FAM13A: variants seen among roughly 807,000 people sequenced by gnomAD.
FAM13A encodes the protein protein FAM13A.
In FAM13A, 76 loss-of-function variants were observed where a neutral mutation model predicts 129.6. The observed-to-expected ratio is 0.59, with a 90% CI of 0.49 to 0.71. The LOEUF is 0.71. Ranked by LOEUF, FAM13A falls within the 30% of genes least tolerant of loss-of-function variation. FAM13A has a pLI of 0.00. For synonymous variants in FAM13A, 443 were observed against 449.9 expected (o/e 0.98, Z 0.20); for missense variants, 1,108 against 1,249.3 (o/e 0.89, Z 1.70).
chr4:88,924,749 C>T (rs1359197257), intron 5 of FAM13A, among the ~76,000 whole-genome samples: 4 of 151,550 alleles, frequency 2.6e-5, no homozygotes, highest in Non-Finnish European at 4.4e-5. Flanking sequence ...AAAGAAACTA[C>T]CATCAGAGTG....
intron 6 of FAM13A, 133 bp from the exon 7 acceptor site, chr4:88,851,316 A>G (rs74875537): frequency 1.4e-6 from 1 of 711,900 alleles, no homozygotes; most frequent in Non-Finnish European, 2.2e-6. Context: ...AAAAATATCA[A>G]GCTAAAAATT....
At chr4:88,870,482 C>T (rs1019951376) in intron 6 of FAM13A, among the ~76,000 whole-genome samples, 1 of 152,226 alleles carries the variant, frequency 6.6e-6, no homozygotes, top group Non-Finnish European at 1.5e-5. Flanking sequence ...GGAGATTATA[C>T]CCCGCGCCTG....
At chr4:88,788,091 A>G (rs547954499) in intron 9 of FAM13A, among the ~76,000 whole-genome samples, 159 bp from the exon 10 acceptor site, 4 of 152,322 alleles carry the variant, frequency 2.6e-5, no homozygotes, top group African/African-American at 9.6e-5. Context: ...TCTAAAAAAT[A>G]TCTGCATTAT....
At chr4:88,739,513 G>A (rs981800577) in intron 19 of FAM13A, among the ~76,000 whole-genome samples, 2 of 151,648 alleles carry the variant, frequency 1.3e-5, no homozygotes, top group Non-Finnish European at 2.9e-5. Flanking sequence ...GGTGGATCAT[G>A]CTTGTAATCC....
chr4:88,901,650 G>A (rs2150210680), intron 6 of FAM13A, among the ~76,000 whole-genome samples: 1 of 152,152 alleles, frequency 6.6e-6, no homozygotes, highest in East Asian at 1.9e-4. Context: ...TGGTAAGAGG[G>A]AAATTTATAG....
chr4:88,866,533 G>A (rs1247850692), intron 6 of FAM13A, among the ~76,000 whole-genome samples: 1 of 152,006 alleles, frequency 6.6e-6, no homozygotes, highest in Non-Finnish European at 1.5e-5. Context: ...CATAAAATTT[G>A]CTATTTATTT....
chr4:88,897,665 G>A (rs1310036103), intron 6 of FAM13A, among the ~76,000 whole-genome samples: 3 of 152,126 alleles, frequency 2.0e-5, no homozygotes, highest in Non-Finnish European at 4.4e-5. Flanking sequence ...GCCAAATGGA[G>A]TACCATTAAT....
chr4:88,749,850 T>A lies in FAM13A; in HGVS notation c.2000A>T (p.Gln667Leu). 2 of 1,614,150 alleles carry A rather than the reference T, an allele frequency of 1.2e-6. No homozygotes were observed. The highest frequency in any genetic ancestry group is 8.5e-7 in the Non-Finnish European group (1 of 1,180,004). Residue 667 changes from glutamine to leucine, a missense_variant, in exon 16 of 24, where the codon CAG becomes CTG. Coordinates refer to ENST00000264344, the MANE Select transcript of FAM13A (RefSeq NM_014883.4). ...AAGGCTCTGAATCCTTCGTGTGAGC[T>A]GGGCAGGTGTCAGGTCCTCTTGCTC... is the stretch of plus-strand genomic sequence containing the variant. ...DDEQEDLTPA[Q>L]LTRRIQSLKK...
chr4:89,029,649 G>T lies in FAM13A; in HGVS notation c.28C>A (p.Gln10Lys). Residue 10 changes from glutamine to lysine, a missense_variant and splice_region_variant, in exon 2 of 24, where the codon CAA becomes AAA. Transcript: ENST00000264344. MGAGALAIC[Q>K]SKAAVRLKED... ...TTCAGCCGAACCGCTGCTTTACTTTGCTTAAAGGAGCGTAAGAAAAAAGAG... is the reference window on the plus strand; with the variant it reads ...TTCAGCCGAACCGCTGCTTTACTTTTCTTAAAGGAGCGTAAGAAAAAAGAG... 6.4e-7 allele frequency: 1 copy of T among 1,568,486 alleles called. No homozygotes were observed. Among genetic ancestry groups the T allele is most frequent in the Non-Finnish European group, 8.6e-7 (1 of 1,165,566 alleles).
At chr4:88,977,199 C>A (rs535438158) in intron 4 of FAM13A, among the ~76,000 whole-genome samples, 1 of 152,140 alleles carries the variant, frequency 6.6e-6, no homozygotes, top group Non-Finnish European at 1.5e-5. Context: ...ACTACTCTTG[C>A]ATTTGGGGTG....
rs186113859 is a variant in FAM13A at position 88,919,832 on chromosome 4, G to A, written c.760-13370C>T. On this transcript the variant is annotated intron_variant, in intron 5 of 23. Transcript: ENST00000264344. ...TGACAGATGGCACCTGGAAAATCGGGTCACTCCCACCCTAATACTGCGCTT... is the reference window on the plus strand; with the variant it reads ...TGACAGATGGCACCTGGAAAATCGGATCACTCCCACCCTAATACTGCGCTT... 5.2e-3 allele frequency among the ~76,000 whole-genome samples: 794 copies of A among 152,352 alleles called. 9 individuals are homozygous for A. The highest frequency in any genetic ancestry group is 0.018 in the African/African-American group (756 of 41,578).
At chr4:88,912,978 AAAGAAGAAAG>A (rs916131770) in intron 5 of FAM13A, among the ~76,000 whole-genome samples, 2 of 151,604 alleles carry the variant, frequency 1.3e-5, no homozygotes, top group African/African-American at 2.4e-5. Context: ...AAGACAGAAG[AAAGAAGAAAG>A]AAGAAGAAAG....
intron 7 of FAM13A, among the ~76,000 whole-genome samples, chr4:88,846,247 T>G (rs754012666): frequency 1.6e-4 from 24 of 152,228 alleles, no homozygotes; most frequent in Non-Finnish European, 3.2e-4. Context: ...ACTTTTCTGC[T>G]TACAAACAAT....
rs148561244 is a variant in FAM13A at position 88,761,443 on chromosome 4, A to G, written c.1579-2542T>C. Among the ~76,000 whole-genome samples, 81 of 152,364 alleles carry G rather than the reference A, an allele frequency of 5.3e-4. 1 individual carries two copies. In the South Asian group the frequency reaches 6.2e-3, roughly 12 times the overall value. Reference sequence around the variant, plus strand: ...ACAATGTTAAATGCATTATGAAAAAATATTAGTGAAAAGAGCCACTAGTGT... The same window carrying G: ...ACAATGTTAAATGCATTATGAAAAAGTATTAGTGAAAAGAGCCACTAGTGT... On this transcript the variant is annotated intron_variant, in intron 13 of 23. Transcript: ENST00000264344.
At chr4:88,958,216 T>G (rs937373468) in intron 4 of FAM13A, among the ~76,000 whole-genome samples, 14 of 152,198 alleles carry the variant, frequency 9.2e-5, no homozygotes, top group Admixed American at 2.6e-4. Flanking sequence ...GAGATCTGCT[T>G]GGCAGCCCCT....
chr4:88,902,462 T>A (rs1747442709), intron 6 of FAM13A, among the ~76,000 whole-genome samples: 1 of 151,676 alleles, frequency 6.6e-6, no homozygotes, highest in East Asian at 1.9e-4. Context: ...CATGCACAAA[T>A]CAGTAAATGT....
At chr4:88,943,529 C>T (rs539563810) in intron 4 of FAM13A, among the ~76,000 whole-genome samples, 1 of 152,232 alleles carries the variant, frequency 6.6e-6, no homozygotes, top group East Asian at 1.9e-4. Context: ...ATGGTTCTAA[C>T]ATGGCCATTT....
chr4:88,896,546 G>A (rs1320199610), intron 6 of FAM13A, among the ~76,000 whole-genome samples: 2 of 152,112 alleles, frequency 1.3e-5, no homozygotes, highest in Non-Finnish European at 2.9e-5. Flanking sequence ...ACTTTGCACA[G>A]GCATTTTTAA....
intron 2 of FAM13A, among the ~76,000 whole-genome samples, chr4:89,028,824 G>T (rs1449278927): frequency 6.7e-6 from 1 of 149,892 alleles, no homozygotes; most frequent in Non-Finnish European, 1.5e-5. Context: ...AACTTATCCA[G>T]ATTTGTGATT....
Sources: gnomAD v4.1 joint callset for allele counts (sites outside exome capture counted in the v4.1 genomes callset) on GRCh38, gnomAD v4.1.1 for gene constraint, MANE v1.5 for transcripts, NCBI Gene and HGNC (gene_info 2026-07-23, HGNC 2026-07-21) for gene names.